Variants in HECTD4 observed in about 807,000 individuals in gnomAD.
The protein encoded by HECTD4 is HECT domain E3 ubiquitin protein ligase 4, also known as probable E3 ubiquitin-protein ligase HECTD4.
In HECTD4, 114 loss-of-function variants were observed where a neutral mutation model predicts 471.5. That is an observed-to-expected ratio of 0.24 (90% CI 0.21 to 0.28). The LOEUF is 0.28. Among genes scored for constraint, HECTD4 ranks in the 10% least tolerant of loss-of-function variants. HECTD4 has a pLI of 1.00. For missense variants in HECTD4, 3,866 were observed against 5,651.5 expected, an observed-to-expected ratio of 0.68 and a Z score of 10.13; for synonymous variants, 2,012 against 2,256.0, an observed-to-expected ratio of 0.89 and a Z score of 3.07.
intron 1 of HECTD4, among the ~76,000 whole-genome samples, chr12:112,369,565 G>A (rs1192789690): frequency 1.3e-5 from 2 of 151,856 alleles, no homozygotes; most frequent in African/African-American, 4.8e-5. Context: ...GGCTGGACTC[G>A]AACTCCTGAC....
Position 112,194,769 on chromosome 12 carries a change from G to T in HECTD4, c.8749+116C>A. ...CCAGTTCCTGCGTGCAATTTCTCAC[G>T]TGAGCCTATGCGCACCATGAGGCAT... On this transcript the variant is annotated intron_variant, in intron 56 of 75. Coordinates refer to ENST00000682272, the MANE Select transcript of HECTD4 (RefSeq NM_001388303.1). This position sits in a 1 kb window ranked among gnomAD's most constrained non-coding sequence, Gnocchi z 4.6. 2 of 942,410 alleles carry T rather than the reference G, an allele frequency of 2.1e-6. No homozygotes were observed. The highest frequency in any genetic ancestry group is 3.2e-6 in the Non-Finnish European group (2 of 634,348). The allele number at this position is 942,410 out of a possible 1,614,324, so 58.4% of individuals were successfully genotyped here. A position where few individuals can be genotyped will look rare whatever the true frequency, so the allele number is the denominator to read the frequency against.
In HECTD4 at chr12:112,162,362, A is replaced by G. The variant is rs767613831; in HGVS notation, c.*25T>C. Reference sequence around the variant, plus strand: ...CCAGCAGAGTGGGTGCCTCAGTGACAGCCTAATTCTGGGGCTCCCTCCCAT... The same window carrying G: ...CCAGCAGAGTGGGTGCCTCAGTGACGGCCTAATTCTGGGGCTCCCTCCCAT... On this transcript the variant is annotated 3_prime_UTR_variant, in exon 76 of 76. Transcript: ENST00000682272. This position sits in a 1 kb window ranked among gnomAD's most constrained non-coding sequence, Gnocchi z 5.2. 8.1e-6 allele frequency: 13 copies of G among 1,613,612 alleles called. No individual in the cohort carries two copies. The highest frequency in any genetic ancestry group is 3.4e-6 in the Non-Finnish European group (4 of 1,179,786).
intron 69 of HECTD4, 119 bp from the exon 70 acceptor site, chr12:112,169,777 T>C (rs746946426): frequency 1.2e-4 from 138 of 1,176,694 alleles, no homozygotes; most frequent in Non-Finnish European, 1.6e-4. Flanking sequence ...GCTCCCTCGC[T>C]CGGCCCCCTG....
At chr12:112,248,215 A>T (rs995682162) in intron 26 of HECTD4, 44 bp from the exon 27 acceptor site, 17 of 1,557,916 alleles carry the variant, frequency 1.1e-5, no homozygotes, top group African/African-American at 1.4e-5. Flanking sequence ...AACAAGTATG[A>T]TTCAAAATTT....
chr12:112,376,884 G>A (rs1278643386), intron 1 of HECTD4, among the ~76,000 whole-genome samples: 1 of 152,100 alleles, frequency 6.6e-6, no homozygotes, highest in Non-Finnish European at 1.5e-5. Context: ...AGGCGGAGGT[G>A]GGCAGATCAC....
At chr12:112,346,806 C>G (rs546717995) in intron 1 of HECTD4, among the ~76,000 whole-genome samples, 141 of 152,262 alleles carry the variant, frequency 9.3e-4, no homozygotes, top group African/African-American at 3.3e-3. Context: ...TTTGATTGCT[C>G]TCCTTTTTTA....
Position 112,162,509 on chromosome 12 carries a change from G to C in HECTD4, c.13135C>G (p.Arg4379Gly). ...ATGCAGGTCTCCACGCGGATGTAGC[G>C]AGAGTCTGGGGAACCTACAAGAAAC... ...PDGTAGSPDS[R>G]YIRVETCMFM... Residue 4379 changes from arginine (R) to glycine (G), a missense_variant, in exon 76 of 76, where the codon CGC (arginine) becomes GGC (glycine). Physicochemically the swap from Arg to Gly is moderately radical, Grantham distance 125. This residue lies in a region of HECTD4 where 715 missense variants were observed against 1,087.6 expected (regional missense o/e 0.66). Transcript: ENST00000682272. The surrounding 1 kb of genome is among the most constrained non-coding windows in gnomAD (Gnocchi z 5.2). The C allele has an allele frequency of 6.2e-7, 1 of 1,614,024 alleles. No individual in the cohort carries two copies. Among genetic ancestry groups the C allele is most frequent in the South Asian group, 1.1e-5 (1 of 91,082 alleles).
chr12:112,194,802 C>T lies in HECTD4; in HGVS notation c.8749+83G>A. 2 of 1,282,932 alleles carry T rather than the reference C, an allele frequency of 1.6e-6. No individual in the cohort carries two copies. The highest frequency in any genetic ancestry group is 2.2e-6 in the Non-Finnish European group (2 of 918,194). 79.5% of individuals were successfully genotyped at this position (1,282,932 alleles called of 1,614,324 possible). ...ATGCGCACCATGAGGCATTTCTCGC[C>T]CTCATGCAGGGAATGACTACACTGT... is the stretch of plus-strand genomic sequence containing the variant. On this transcript the variant is annotated intron_variant, in intron 56 of 75. Transcript: ENST00000682272. The surrounding 1 kb of genome is among the most constrained non-coding windows in gnomAD (Gnocchi z 4.6).
intron 13 of HECTD4, 198 bp from the exon 14 acceptor site, chr12:112,267,180 G>A (rs1336351797): frequency 4.3e-5 from 24 of 558,614 alleles, no homozygotes; most frequent in Admixed American, 9.7e-5. Flanking sequence ...CTCCCTCACC[G>A]CTCCATGTGC....
intron 7 of HECTD4, among the ~76,000 whole-genome samples, chr12:112,301,611 C>G (rs905136607): frequency 4.6e-5 from 7 of 152,180 alleles, no homozygotes; most frequent in African/African-American, 1.7e-4. Flanking sequence ...ATTTACTGTT[C>G]TTTATCTACT....
At position 112,360,817 on chromosome 12, in the gene HECTD4, C is replaced by T. The variant is rs181153999; in HGVS notation, c.177+21135G>A. ...TGGCCAACATGGTGAAACCCCATCT[C>T]TACTAAAAATATAAAAATTAGCCAG... is the stretch of plus-strand genomic sequence containing the variant. On this transcript the variant is annotated intron_variant, in intron 1 of 75. Transcript: ENST00000682272. Among the ~76,000 whole-genome samples the T allele has an allele frequency of 6.0e-4, 92 of 152,156 alleles. 2 individuals carry two copies. The East Asian group carries it at 0.016, about 26-fold the overall frequency.
intron 2 of HECTD4, among the ~76,000 whole-genome samples, chr12:112,316,782 A>C (rs1349536020): frequency 6.6e-6 from 1 of 152,114 alleles, no homozygotes; most frequent in East Asian, 1.9e-4. Context: ...TAGTAAGATG[A>C]TCTAACACTG....
intron 45 of HECTD4, 141 bp from the exon 46 acceptor site, chr12:112,217,336 T>TACACAC (rs71956504): frequency 4.9e-5 from 20 of 409,682 alleles, no homozygotes; most frequent in Non-Finnish European, 6.6e-5. Flanking sequence ...CACACACACA[T>TACACAC]ACACACACAC....
chr12:112,173,167 T>C lies in HECTD4; in HGVS notation c.11595-306A>G, dbSNP rs751970587. ...GTGAGGGTGAAGGAGGAGCTCCTAA[T>C]AGCATCAGCCTGCAGTGTGTCACAC... On this transcript the variant is annotated intron_variant, in intron 66 of 75. Coordinates refer to ENST00000682272, the MANE Select transcript of HECTD4 (RefSeq NM_001388303.1). The surrounding 1 kb of genome is among the most constrained non-coding windows in gnomAD (Gnocchi z 4.3). Among the ~76,000 whole-genome samples, 2 of 152,068 alleles carry C rather than the reference T, an allele frequency of 1.3e-5. No homozygotes were observed. Among genetic ancestry groups the C allele is most frequent in the African/African-American group, 2.4e-5 (1 of 41,394 alleles).
chr12:112,327,185 C>T (rs141981317), intron 1 of HECTD4, among the ~76,000 whole-genome samples: 1,787 of 152,132 alleles, frequency 0.012, 20 homozygotes, highest in Admixed American at 0.025. Flanking sequence ...GGTGTGGTGG[C>T]GCATGCCTGT....
At chr12:112,180,462 G>A (rs905388821) in intron 62 of HECTD4, among the ~76,000 whole-genome samples, 10 of 151,922 alleles carry the variant, frequency 6.6e-5, no homozygotes, top group African/African-American at 2.4e-4. Context: ...TTGAAACCAG[G>A]AGGTGGAGGT....
chr12:112,356,883 C>T (rs768744314), intron 1 of HECTD4, among the ~76,000 whole-genome samples: 1 of 152,154 alleles, frequency 6.6e-6, no homozygotes, highest in Non-Finnish European at 1.5e-5. Context: ...TTCCTTCAAC[C>T]TTTCTGAGCT....
At chr12:112,360,063 G>C (rs1219265026) in intron 1 of HECTD4, among the ~76,000 whole-genome samples, 1 of 152,208 alleles carries the variant, frequency 6.6e-6, no homozygotes, top group African/African-American at 2.4e-5. Flanking sequence ...AAGTTACAAT[G>C]ATCTTTCCAC....
At position 112,212,553 on chromosome 12, in the gene HECTD4, C is replaced by T. The variant is rs2032793236; in HGVS notation, c.7563G>A (p.Gln2521=). 1.2e-6 allele frequency: 2 copies of T among 1,613,802 alleles called. No individual in the cohort carries two copies. Among genetic ancestry groups the T allele is most frequent in the Non-Finnish European group, 8.5e-7 (1 of 1,179,816 alleles). The change falls in exon 49 of 76, where the codon CAG becomes CAA. Residue 2521 remains glutamine (Q), a synonymous_variant. Transcript: ENST00000682272. ...CGTCTTCAAGATATGGTGAGAGGCG[C>T]TGCCCGCAGTATGTGAAGTACACCC... ...KGRVYFTYCG[Q]RLSPYLEDVS... is the part of the protein sequence containing the mutation.
Sources: gnomAD v4.1 joint callset for allele counts (sites outside exome capture counted in the v4.1 genomes callset) on GRCh38, gnomAD v4.1.1 for gene constraint, gnomAD v4.1.1 regional missense constraint, Gnocchi (gnomAD v3.1) non-coding constraint, MANE v1.5 for transcripts, NCBI Gene and HGNC (gene_info 2026-07-23, HGNC 2026-07-21) for gene names.